MAPK1IP1L: variants seen among roughly 807,000 people sequenced by gnomAD.
MAPK1IP1L encodes MAPK-interacting and spindle-stabilizing protein-like.
Under a neutral mutation model 18.1 loss-of-function variants are expected in MAPK1IP1L, and 10 were observed. The observed-to-expected ratio is 0.55, with a 90% CI of 0.34 to 0.94. MAPK1IP1L has a LOEUF of 0.94. Among genes scored for constraint, MAPK1IP1L ranks in the 40% least tolerant of loss-of-function variants. The pLI is 0.02. For missense variants in MAPK1IP1L, 260 were observed against 318.2 expected (o/e 0.82, Z 1.39); for synonymous variants, 115 against 117.3 (o/e 0.98, Z 0.13).
intron 1 of MAPK1IP1L, among the ~76,000 whole-genome samples, chr14:55,061,009 G>T (rs563314185): frequency 1.2e-4 from 18 of 152,108 alleles, no homozygotes; most frequent in African/African-American, 3.4e-4. Context: ...AATTTGCTGG[G>T]CATGATGGCA....
rs145016566 is a variant in MAPK1IP1L, at chr14:55,054,912, C to G, written c.-5+3109C>G. ...TTTGTACTGTTTTAAAATTACTATT[C>G]TTGCTATTCAAAGAATAAAAAGTAT... On this transcript the variant is annotated intron_variant, in intron 1 of 3. Coordinates refer to ENST00000395468, the MANE Select transcript of MAPK1IP1L (RefSeq NM_144578.4). Among the ~76,000 whole-genome samples the G allele has an allele frequency of 2.6e-3, 403 of 152,244 alleles. 1 individual carries two copies. The highest frequency in any genetic ancestry group is 9.0e-3 in the African/African-American group (372 of 41,536).
chr14:55,062,711 A>C lies in MAPK1IP1L; in HGVS notation c.112A>C (p.Asn38His). ...ACCTCCTCAAGGCTGGCCAGGCTCC[A>C]ACCCTTGGAATAATCCGAGTGCTCC... is the stretch of plus-strand genomic sequence containing the variant. The part of the protein sequence containing the change: ...GQPPQGWPGS[N>H]PWNNPSAPSS... Residue 38 changes from asparagine (N) to histidine (H), a missense_variant, in exon 3 of 4, where the codon AAC (asparagine) becomes CAC (histidine). By Grantham distance (68) the Asn-to-His change is moderately conservative. Coordinates refer to ENST00000395468, the MANE Select transcript of MAPK1IP1L (RefSeq NM_144578.4). 6.2e-7 allele frequency: 1 copy of C among 1,614,032 alleles called. No individual in the cohort carries two copies. The highest frequency in any genetic ancestry group is 2.2e-5 in the East Asian group (1 of 44,886).
intron 1 of MAPK1IP1L, among the ~76,000 whole-genome samples, chr14:55,060,154 A>ATTTTTTTTTTTTTTTTTTTTT (rs71131248): frequency 3.1e-5 from 2 of 63,892 alleles, no homozygotes; most frequent in Admixed American, 2.8e-4. Context: ...TTTTGGAGAA[A>ATTTTTTTTTTTTTTTTTTTTT]TTTTTTTTTT....
chr14:55,067,901 G>A lies in MAPK1IP1L; in HGVS notation c.*3274G>A, dbSNP rs1009140544. The stretch of plus-strand genomic sequence containing the variant: ...AATAGTTGAGGTGTTCAGGAATGCT[G>A]TTTCTTGGAGTTGGAAGCTTAGGTT... On this transcript the variant is annotated 3_prime_UTR_variant, in exon 4 of 4. Transcript: ENST00000395468. 1 of 152,194 alleles carries A rather than the reference G, an allele frequency of 6.6e-6. No individual in the cohort carries two copies. The highest frequency in any genetic ancestry group is 1.5e-5 in the Non-Finnish European group (1 of 68,046). The allele number at this position is 152,194 out of a possible 1,614,324, so 9.4% of individuals were successfully genotyped here. A position where few individuals can be genotyped will look rare whatever the true frequency, so the allele number is the denominator to read the frequency against.
chr14:55,056,811 G>GT (rs1412336029), intron 1 of MAPK1IP1L, among the ~76,000 whole-genome samples: 2 of 151,976 alleles, frequency 1.3e-5, no homozygotes, highest in Admixed American at 6.6e-5. Flanking sequence ...GCCCGGCCAT[G>GT]TTTTTTGATA....
At chr14:55,057,114 C>T (rs1186572354) in intron 1 of MAPK1IP1L, among the ~76,000 whole-genome samples, 3 of 152,122 alleles carry the variant, frequency 2.0e-5, no homozygotes, top group Middle Eastern at 3.2e-3. Context: ...TTTTTAAAAT[C>T]TCAAACTAAA....
intron 1 of MAPK1IP1L, among the ~76,000 whole-genome samples, chr14:55,057,575 G>A (rs2042781554): frequency 6.6e-6 from 1 of 152,080 alleles, no homozygotes; most frequent in Admixed American, 6.5e-5. Context: ...TGGACAACAT[G>A]GTGAAACCCC....
At position 55,066,942 on chromosome 14, in the gene MAPK1IP1L, T is replaced by G. The variant is rs1394455643; in HGVS notation, c.*2315T>G. 6.6e-5 allele frequency: 10 copies of G among 151,770 alleles called. 1 individual carries two copies. The highest frequency in any genetic ancestry group is 1.0e-4 in the Non-Finnish European group (7 of 68,006). 9.4% of individuals were successfully genotyped at this position (151,770 alleles called of 1,614,324 possible). ...AGACGGAGTCTCGCTCTGTCGCCCA[T>G]GCTGGAGTGCAGTGGTGCTATCTTG... On this transcript the variant is annotated 3_prime_UTR_variant, in exon 4 of 4. Coordinates refer to ENST00000395468, the MANE Select transcript of MAPK1IP1L (RefSeq NM_144578.4).
chr14:55,056,195 A>G (rs911118644), intron 1 of MAPK1IP1L, among the ~76,000 whole-genome samples: 2 of 152,188 alleles, frequency 1.3e-5, no homozygotes, highest in African/African-American at 4.8e-5. Flanking sequence ...GAACTTTAAA[A>G]TTTTGAAGTA....
In MAPK1IP1L at chr14:55,064,003, CTTTTTTTTTTTTT is replaced by C. The variant is rs71131249; in HGVS notation, c.727-595_727-583del. 76 of 76,020 alleles carry C rather than the reference CTTTTTTTTTTTTT, an allele frequency of 1.0e-3. 1 individual carries two copies. The highest frequency in any genetic ancestry group is 6.1e-3 in the East Asian group (11 of 1,806). The allele number at this position is 76,020 out of a possible 1,614,324, so 4.7% of individuals were successfully genotyped here. On this transcript the variant is annotated intron_variant, in intron 3 of 3. Coordinates refer to ENST00000395468, the MANE Select transcript of MAPK1IP1L (RefSeq NM_144578.4). ...CCTTAGGAAAAAAAATCTGTTAACT[CTTTTTTTTTTTTT>C]TTTTTTTTTTTTTTTTTGAGACAGT...
rs79726863 is a variant in MAPK1IP1L, at chr14:55,068,686, A to C, written c.*4059A>C. 3.9e-5 allele frequency: 6 copies of C among 152,382 alleles called. No individual in the cohort carries two copies. The East Asian group carries it at 5.8e-4, about 15-fold the overall frequency. 9.4% of individuals were successfully genotyped at this position (152,382 alleles called of 1,614,324 possible). The stretch of plus-strand genomic sequence containing the variant: ...TTAATAAAGCAATATTTAGTATTGA[A>C]GACAAACACTTTTTATTTTCAGATT... On this transcript the variant is annotated 3_prime_UTR_variant, in exon 4 of 4. Coordinates refer to ENST00000395468, the MANE Select transcript of MAPK1IP1L (RefSeq NM_144578.4).
intron 1 of MAPK1IP1L, among the ~76,000 whole-genome samples, chr14:55,056,716 A>G (rs1382652940): frequency 1.3e-5 from 2 of 152,040 alleles, no homozygotes; most frequent in Non-Finnish European, 2.9e-5. Context: ...TCACCTTGTT[A>G]GCCAGGATGG....
rs146473581 is a variant in MAPK1IP1L at position 55,062,796 on chromosome 14, C to T, written c.197C>T (p.Pro66Leu). 3 of 1,614,058 alleles carry T rather than the reference C, an allele frequency of 1.9e-6. No individual in the cohort carries two copies. The highest frequency in any genetic ancestry group is 1.1e-5 in the South Asian group (1 of 91,086). Reference protein sequence around the residue: ...SATPSTVPFGPAPTGMYPSVP... With the variant: ...SATPSTVPFGLAPTGMYPSVP... ...ACACCCTCCACTGTGCCTTTTGGACCAGCACCAACAGGAATGTATCCCTCC... is the reference window on the plus strand; with the variant it reads ...ACACCCTCCACTGTGCCTTTTGGACTAGCACCAACAGGAATGTATCCCTCC... Residue 66 changes from proline to leucine, a missense_variant, in exon 3 of 4, where the codon CCA (proline) becomes CTA (leucine). Transcript: ENST00000395468.
At chr14:55,052,484 G>A (rs906987617) in intron 1 of MAPK1IP1L, among the ~76,000 whole-genome samples, 1 of 152,140 alleles carries the variant, frequency 6.6e-6, no homozygotes, top group African/African-American at 2.4e-5. Flanking sequence ...CTGCGATAGC[G>A]TATGCATAGC....
chr14:55,063,568 T>G (rs1176044914), intron 3 of MAPK1IP1L, among the ~76,000 whole-genome samples: 1 of 152,226 alleles, frequency 6.6e-6, no homozygotes, highest in African/African-American at 2.4e-5. Flanking sequence ...CTTTGTAATG[T>G]AGTAAGCAGT....
intron 1 of MAPK1IP1L, among the ~76,000 whole-genome samples, chr14:55,058,230 A>G (rs2140258675): frequency 6.6e-6 from 1 of 152,376 alleles, no homozygotes; most frequent in East Asian, 1.9e-4. Context: ...AGAATGAGCC[A>G]GCTTCACACA....
At chr14:55,059,748 A>AAACTGG (rs1238531364) in intron 1 of MAPK1IP1L, among the ~76,000 whole-genome samples, 4 of 152,148 alleles carry the variant, frequency 2.6e-5, no homozygotes, top group African/African-American at 9.7e-5. Flanking sequence ...CTCCAGCTGT[A>AAACTGG]AACTGGGGGT....
intron 2 of MAPK1IP1L, 30 bp downstream of exon 2, chr14:55,061,731 T>G (rs2140260677): frequency 1.3e-6 from 2 of 1,525,600 alleles, no homozygotes; most frequent in East Asian, 4.6e-5. Context: ...TGTGATAAGT[T>G]TTTCATCTCT....
chr14:55,053,646 C>G (rs781501153), intron 1 of MAPK1IP1L, among the ~76,000 whole-genome samples: 3 of 152,162 alleles, frequency 2.0e-5, no homozygotes, highest in Non-Finnish European at 4.4e-5. Context: ...ACAACCCTTC[C>G]CTTTCTCGCT....
Sources: gnomAD v4.1 joint callset for allele counts (sites outside exome capture counted in the v4.1 genomes callset) on GRCh38, gnomAD v4.1.1 for gene constraint, MANE v1.5 for transcripts, NCBI Gene and HGNC (gene_info 2026-07-23, HGNC 2026-07-21) for gene names.